The following SPATA17 variants were observed in gnomAD, a reference collection of about 807,000 sequenced individuals.
SPATA17 encodes spermatogenesis-associated protein 17.
In SPATA17, 53 loss-of-function variants were observed where a neutral mutation model predicts 62.2. The observed-to-expected ratio is 0.85, with a 90% CI of 0.68 to 1.07. The LOEUF is 1.07. Among genes scored for constraint, SPATA17 ranks in the 50% least tolerant of loss-of-function variants. The pLI, the probability that SPATA17 is intolerant of heterozygous loss-of-function variation, is 0.00. For missense variants in SPATA17, 466 were observed against 425.5 expected, an observed-to-expected ratio of 1.10 and a Z score of -0.84; for synonymous variants, 146 against 146.8, an observed-to-expected ratio of 0.99 and a Z score of 0.04.
At chr1:217,845,169 A>T in intron 9 of SPATA17, among the ~76,000 whole-genome samples, 1 of 152,058 alleles carries the variant, frequency 6.6e-6, no homozygotes, top group East Asian at 1.9e-4. Flanking sequence ...ACTTTTCTTT[A>T]GGTTCCTGCA....
chr1:217,795,362 CTTTTTTT>C (rs71560537), intron 8 of SPATA17, among the ~76,000 whole-genome samples: 48 of 69,550 alleles, frequency 6.9e-4, no homozygotes, highest in East Asian at 2.0e-3. Flanking sequence ...ACAAAAGTCT[CTTTTTTT>C]TTTTTTTTTT....
At chr1:217,774,567 A>T in intron 7 of SPATA17, 30 bp downstream of exon 7, 1 of 1,588,036 alleles carries the variant, frequency 6.3e-7, no homozygotes, top group East Asian at 2.3e-5. Flanking sequence ...GAATTCTGTC[A>T]TTAATTTTAT....
At chr1:217,632,160 G>C (rs1235338195) in intron 1 of SPATA17, among the ~76,000 whole-genome samples, 1 of 151,836 alleles carries the variant, frequency 6.6e-6, no homozygotes, top group Non-Finnish European at 1.5e-5. Context: ...TCCAGCCTGG[G>C]TGACAAATTA....
chr1:217,863,880 C>T (rs1675947791), intron 10 of SPATA17, among the ~76,000 whole-genome samples: 1 of 152,042 alleles, frequency 6.6e-6, no homozygotes, highest in Non-Finnish European at 1.5e-5. Context: ...AGTTAGAATC[C>T]CCCAGCTATC....
At chr1:217,773,222 A>G (rs1673497853) in intron 6 of SPATA17, among the ~76,000 whole-genome samples, 1 of 152,192 alleles carries the variant, frequency 6.6e-6, no homozygotes, top group African/African-American at 2.4e-5. Context: ...TGCTGATTCC[A>G]TGAAGTAAAT....
At chr1:217,769,304 C>A (rs533375063) in intron 6 of SPATA17, among the ~76,000 whole-genome samples, 278 of 152,260 alleles carry the variant, frequency 1.8e-3, no homozygotes, top group African/African-American at 6.5e-3. Context: ...GTTAGGGGAA[C>A]CTTCTAAAGG....
intron 4 of SPATA17, among the ~76,000 whole-genome samples, chr1:217,680,788 G>A (rs963006127): frequency 3.3e-5 from 5 of 151,742 alleles, no homozygotes; most frequent in African/African-American, 1.2e-4. Flanking sequence ...AGCTGGGCAT[G>A]GTGGCACATG....
At chr1:217,827,692 C>T (rs954683154) in intron 9 of SPATA17, among the ~76,000 whole-genome samples, 3 of 152,088 alleles carry the variant, frequency 2.0e-5, no homozygotes, top group Non-Finnish European at 4.4e-5. Context: ...CCATGGAATA[C>T]CATGCAGCCA....
At chr1:217,656,064 A>G (rs1470409476) in intron 3 of SPATA17, among the ~76,000 whole-genome samples, 1 of 151,200 alleles carries the variant, frequency 6.6e-6, no homozygotes, top group Non-Finnish European at 1.5e-5. Context: ...TTGTATTTTT[A>G]GTAGAGATGG....
chr1:217,845,838 A>T (rs1675511873), intron 9 of SPATA17, among the ~76,000 whole-genome samples: 1 of 152,026 alleles, frequency 6.6e-6, no homozygotes, highest in Admixed American at 6.6e-5. Context: ...TCACTTTTTC[A>T]GTTCTACCCA....
chr1:217,659,472 T>C (rs530560060), intron 3 of SPATA17, among the ~76,000 whole-genome samples: 3 of 152,232 alleles, frequency 2.0e-5, no homozygotes, highest in East Asian at 3.9e-4. Context: ...TTTAAAGGAA[T>C]TTTTTACTTA....
chr1:217,713,523 A>T (rs779332110), intron 5 of SPATA17, among the ~76,000 whole-genome samples: 1 of 152,208 alleles, frequency 6.6e-6, no homozygotes, highest in Non-Finnish European at 1.5e-5. Context: ...GAAATTTATA[A>T]TGATCTATGG....
chr1:217,745,118 T>C (rs1054470241), intron 6 of SPATA17, among the ~76,000 whole-genome samples: 2 of 152,198 alleles, frequency 1.3e-5, no homozygotes, highest in African/African-American at 4.8e-5. Context: ...CCACCTCCAT[T>C]TGACACTTGA....
chr1:217,859,151 ATATATAATATATAAAATTT>A (rs1329417080), intron 9 of SPATA17, among the ~76,000 whole-genome samples: 3 of 146,784 alleles, frequency 2.0e-5, no homozygotes, highest in Non-Finnish European at 3.0e-5. Flanking sequence ...ACATAATTTT[ATATATAATATATAAAATTT>A]TATATAATAT....
At chr1:217,719,697 A>G (rs926574328) in intron 5 of SPATA17, among the ~76,000 whole-genome samples, 1 of 152,222 alleles carries the variant, frequency 6.6e-6, no homozygotes, top group Non-Finnish European at 1.5e-5. Context: ...AACAAAAGGG[A>G]ACTCTAGAGA....
intron 9 of SPATA17, among the ~76,000 whole-genome samples, chr1:217,841,625 T>G (rs987688901): frequency 6.6e-6 from 1 of 151,952 alleles, no homozygotes; most frequent in Non-Finnish European, 1.5e-5. Context: ...CCTGAAACAC[T>G]AAAATGAATC....
At chr1:217,704,230 CTTTTTTTTTTTTTTTTTTT>C (rs560591615) in intron 5 of SPATA17, among the ~76,000 whole-genome samples, 6 of 41,718 alleles carry the variant, frequency 1.4e-4, no homozygotes, top group African/African-American at 3.0e-4. Context: ...TTCCCTCTAC[CTTTTTTTTTTTTTTTTTTT>C]TTTTTTTTTT....
chr1:217,651,045 C>T lies in SPATA17; in HGVS notation c.159-52C>T, dbSNP rs1670300861. 26 of 1,365,436 alleles carry T rather than the reference C, an allele frequency of 1.9e-5. No individual in the cohort carries two copies. In the South Asian group the frequency reaches 3.1e-4, roughly 16 times the overall value. 84.6% of individuals were successfully genotyped at this position (1,365,436 alleles called of 1,614,324 possible). On this transcript the variant is annotated intron_variant, in intron 2 of 10. Coordinates refer to ENST00000366933, the MANE Select transcript of SPATA17 (RefSeq NM_138796.4). ...GGAGAGTATTTTAACAAAGATTTAA[C>T]TGACCTTGTTTCAATGAAAGGATAC...
chr1:217,769,518 G>A (rs1005837757), intron 6 of SPATA17, among the ~76,000 whole-genome samples: 1 of 152,196 alleles, frequency 6.6e-6, no homozygotes, highest in African/African-American at 2.4e-5. Flanking sequence ...TTTTGATGGT[G>A]TTCTTTAGGG....
Sources: allele counts gnomAD v4.1 joint callset (sites outside exome capture counted in the v4.1 genomes callset), GRCh38; gene constraint gnomAD v4.1.1; transcripts MANE v1.5; gene names NCBI Gene and HGNC (gene_info 2026-07-23, HGNC 2026-07-21).